DIXDC1: variants seen among roughly 807,000 people sequenced by gnomAD.
DIXDC1 encodes the protein dixin.
DIXDC1 carries 64 observed loss-of-function variants against 103.1 expected under a neutral mutation model. The observed-to-expected ratio is 0.62, with a 90% CI of 0.51 to 0.76. The LOEUF is 0.76. Among genes scored for constraint, DIXDC1 ranks in the 30% least tolerant of loss-of-function variants. DIXDC1 has a pLI of 0.00. For synonymous variants in DIXDC1, 266 were observed against 298.5 expected (o/e 0.89, Z 1.12); for missense variants, 759 against 834.2 (o/e 0.91, Z 1.11).
intron 7 of DIXDC1, 56 bp downstream of exon 7, chr11:111,982,543 A>G: frequency 6.4e-7 from 1 of 1,562,532 alleles, no homozygotes; most frequent in Non-Finnish European, 8.7e-7. Context: ...TTAAGTCAGT[A>G]TTATCAATGG....
At chr11:111,997,627 GATT>G (rs1276554231) in intron 17 of DIXDC1, among the ~76,000 whole-genome samples, 7 of 152,172 alleles carry the variant, frequency 4.6e-5, no homozygotes, top group South Asian at 2.1e-4. Context: ...GTTTGTAGAG[GATT>G]ATTATTATTA....
intron 5 of DIXDC1, 28 bp from the exon 6 acceptor site, chr11:111,980,709 G>A (rs782101240): frequency 4.9e-5 from 78 of 1,578,816 alleles, no homozygotes; most frequent in Admixed American, 1.7e-4. Context: ...CATAATAATC[G>A]TTTTTCTTCC....
intron 15 of DIXDC1, 72 bp downstream of exon 15, chr11:111,995,180 A>G: frequency 6.7e-7 from 1 of 1,491,260 alleles, no homozygotes; most frequent in South Asian, 1.2e-5. Context: ...AGCCATGGCC[A>G]GTGGATGAGG....
chr11:111,943,791 C>T (rs1453963861), intron 1 of DIXDC1, among the ~76,000 whole-genome samples: 2 of 152,108 alleles, frequency 1.3e-5, no homozygotes, highest in African/African-American at 2.4e-5. Context: ...TGAGCCACTG[C>T]GCCTGGCCCA....
intron 17 of DIXDC1, among the ~76,000 whole-genome samples, chr11:112,012,939 C>G (rs1861468449): frequency 6.6e-6 from 1 of 152,238 alleles, no homozygotes; most frequent in Admixed American, 6.5e-5. Flanking sequence ...CATGATTACT[C>G]TCTCTTTGAC....
At chr11:111,994,231 T>TA (rs1438865042) in intron 14 of DIXDC1, among the ~76,000 whole-genome samples, 1 of 151,812 alleles carries the variant, frequency 6.6e-6, no homozygotes, top group East Asian at 1.9e-4. Context: ...TACTAAAAAT[T>TA]ACAAAAATTA....
chr11:111,960,651 G>A (rs1244783107), intron 1 of DIXDC1, among the ~76,000 whole-genome samples: 1 of 151,754 alleles, frequency 6.6e-6, no homozygotes, highest in Non-Finnish European at 1.5e-5. Context: ...ACTATTTTAT[G>A]TAAGGAATAG....
rs1237576231 is a variant in DIXDC1 at position 112,011,328 on chromosome 11, A to C, written c.1757-5363A>C. On this transcript the variant is annotated intron_variant, in intron 17 of 19. Coordinates refer to ENST00000440460, the MANE Select transcript of DIXDC1 (RefSeq NM_001037954.4). ...CACAGATGCTGGAGAGGATGTGGAG[A>C]AATAGGAATGCTTTTACACTGTTGA... Among the ~76,000 whole-genome samples the C allele has an allele frequency of 3.3e-5, 5 of 152,230 alleles. No individual in the cohort carries two copies. In the South Asian group the frequency reaches 1.0e-3, roughly 32 times the overall value.
Position 111,985,217 on chromosome 11 carries a change from TTTG to T in DIXDC1, c.919-13_919-11del. The T allele has an allele frequency of 6.2e-7, 1 of 1,607,720 alleles. No homozygotes were observed. The highest frequency in any genetic ancestry group is 8.5e-7 in the Non-Finnish European group (1 of 1,175,118). ...AAGGAGAGTTAAGTTTCTTTCTGCC[TTTG>T]TGGTTATTCAGGCCTTACTGCTCAA... On this transcript the variant is annotated splice_polypyrimidine_tract_variant and intron_variant, in intron 7 of 19. Coordinates refer to ENST00000440460, the MANE Select transcript of DIXDC1 (RefSeq NM_001037954.4).
At position 111,951,910 on chromosome 11, in the gene DIXDC1, G is replaced by A. The variant is rs146045399; in HGVS notation, c.61-12639G>A. ...TGATGGAGTCTCACTCTGTCACCCA[G>A]GTTGGAGTATAGTAGCATGATCTTG... On this transcript the variant is annotated intron_variant, in intron 1 of 19. Transcript: ENST00000440460. Among the ~76,000 whole-genome samples, 170 of 148,704 alleles carry A rather than the reference G, an allele frequency of 1.1e-3. 5 individuals carry two copies. The East Asian group carries it at 0.033, about 29-fold the overall frequency.
In DIXDC1 at chr11:111,978,397, T is replaced by C. The variant is rs1555172924; in HGVS notation, c.657-2340T>C. Among the ~76,000 whole-genome samples, 3 of 152,292 alleles carry C rather than the reference T, an allele frequency of 2.0e-5. 1 individual carries two copies. ...TTTAGGGAGGCAGCAGGGTGCCTGC[T>C]CTGACATGTGCCTCGGGAGTTTCCT... On this transcript the variant is annotated intron_variant, in intron 5 of 19. Transcript: ENST00000440460.
In DIXDC1 at chr11:112,021,973, C is replaced by T. The variant is rs1426574955; in HGVS notation, c.*2937C>T. 2 of 123,908 alleles carry T rather than the reference C, an allele frequency of 1.6e-5. No individual in the cohort carries two copies. Among genetic ancestry groups the T allele is most frequent in the African/African-American group, 3.2e-5 (1 of 30,868 alleles). The allele number at this position is 123,908 out of a possible 1,614,324, so 7.7% of individuals were successfully genotyped here. ...TAGCCTAGGCTACAGAGCAGGACCC[C>T]ATCTCCAAAAAAAAAAAAAAAAAAG... On this transcript the variant is annotated 3_prime_UTR_variant, in exon 20 of 20. Transcript: ENST00000440460.
At chr11:111,932,027 CTTTTTTT>C (rs59805759) in intron 2 of DIXDC1, among the ~76,000 whole-genome samples, 1 of 99,156 alleles carries the variant, frequency 1.0e-5, no homozygotes, top group African/African-American at 4.4e-5. Flanking sequence ...GGCAGATAAC[CTTTTTTT>C]TTTTTTTTTT....
intron 1 of DIXDC1, among the ~76,000 whole-genome samples, chr11:111,949,132 G>A (rs1456499916): frequency 6.6e-6 from 1 of 152,162 alleles, no homozygotes; most frequent in Non-Finnish European, 1.5e-5. Flanking sequence ...AAAGTGCTTA[G>A]CACAATACCT....
rs1555174651 is a variant in DIXDC1, at chr11:111,992,477, A to G, written c.1176A>G (p.Leu392=). 5 of 1,579,558 alleles carry G rather than the reference A, an allele frequency of 3.2e-6. No individual in the cohort carries two copies. Among genetic ancestry groups the G allele is most frequent in the Non-Finnish European group, 4.3e-6 (5 of 1,161,916 alleles). Residue 392 remains leucine, a synonymous_variant, in exon 11 of 20, where the codon CTA becomes CTG. Transcript: ENST00000440460. The part of the protein sequence containing the change: ...DTSVLQLKQE[L]LRANMDKDEL... ...CTGTTCTTCAGCTCAAACAAGAGCT[A>G]CTGAGGGCAAATATGGACAAAGATG... is the stretch of plus-strand genomic sequence containing the variant.
chr11:111,939,328 A>G lies in DIXDC1; in HGVS notation c.60+1769A>G, dbSNP rs76845290. Reference sequence around the variant, plus strand: ...TTCCATAAATATCCCCTGACCTCCAATTCTTGAAAAACATAAGGGCATAAG... The same window carrying G: ...TTCCATAAATATCCCCTGACCTCCAGTTCTTGAAAAACATAAGGGCATAAG... On this transcript the variant is annotated intron_variant, in intron 1 of 19. Coordinates refer to ENST00000440460, the MANE Select transcript of DIXDC1 (RefSeq NM_001037954.4). Among the ~76,000 whole-genome samples the G allele has an allele frequency of 7.1e-4, 108 of 152,272 alleles. 2 individuals carry two copies. In the East Asian group the frequency reaches 0.014, roughly 20 times the overall value.
At position 112,017,683 on chromosome 11, in the gene DIXDC1, TTG is replaced by T; in HGVS notation, c.1863-93_1863-92del. ...CCTAACAAGGGGCTATTTCTGCTTA[TTG>T]ACTTTGGCAGGGGGCTGTGTTTAAA... On this transcript the variant is annotated intron_variant, in intron 18 of 19. Coordinates refer to ENST00000440460, the MANE Select transcript of DIXDC1 (RefSeq NM_001037954.4). This position sits in a 1 kb window ranked among gnomAD's most constrained non-coding sequence, Gnocchi z 4.0. 9.7e-7 allele frequency: 1 copy of T among 1,031,842 alleles called. No individual in the cohort carries two copies. Among genetic ancestry groups the T allele is most frequent in the East Asian group, 2.8e-5 (1 of 36,354 alleles). 63.9% of individuals were successfully genotyped at this position (1,031,842 alleles called of 1,614,324 possible).
intron 10 of DIXDC1, among the ~76,000 whole-genome samples, chr11:111,991,515 T>G (rs1257161044): frequency 1.3e-5 from 2 of 152,222 alleles, no homozygotes; most frequent in Non-Finnish European, 2.9e-5. Context: ...CTGTACCCTT[T>G]CTTTGCAGTC....
intron 1 of DIXDC1, among the ~76,000 whole-genome samples, chr11:111,938,068 A>C (rs978060147): frequency 3.9e-5 from 6 of 152,128 alleles, no homozygotes; most frequent in African/African-American, 1.4e-4. Context: ...GGGGCAGTAG[A>C]TTTCTCTGCA....
Sources: gnomAD v4.1 joint callset for allele counts (sites outside exome capture counted in the v4.1 genomes callset) on GRCh38, gnomAD v4.1.1 for gene constraint, Gnocchi (gnomAD v3.1) non-coding constraint, MANE v1.5 for transcripts, NCBI Gene and HGNC (gene_info 2026-07-23, HGNC 2026-07-21) for gene names.